The following IL1RAPL1 variants were observed in gnomAD, a reference collection of about 807,000 sequenced individuals.
IL1RAPL1 encodes interleukin 1 receptor accessory protein like 1.
In IL1RAPL1, 3 loss-of-function variants were observed where a neutral mutation model predicts 48.4. The ratio of observed to expected loss-of-function variants is 0.06; its 90% CI spans 0.03 to 0.16. The LOEUF is 0.16. Ranked by LOEUF, IL1RAPL1 falls within the 10% of genes least tolerant of loss-of-function variation. The pLI is 1.00. For synonymous variants in IL1RAPL1, 185 were observed against 187.7 expected (o/e 0.99, Z 0.12); for missense variants, 349 against 530.6 (o/e 0.66, Z 3.36).
chrX:29,618,319 T>C (rs767023110), intron 5 of IL1RAPL1, among the ~76,000 whole-genome samples: 3 of 111,988 alleles, frequency 2.7e-5, no homozygotes, highest in Admixed American at 9.5e-5. Flanking sequence ...TTCAAATATT[T>C]ATATCTTTTG....
chrX:28,952,411 C>T (rs940283645), intron 2 of IL1RAPL1, among the ~76,000 whole-genome samples: 8 of 111,258 alleles, frequency 7.2e-5, no homozygotes, highest in Admixed American at 1.9e-4. Flanking sequence ...ATAAGGACAA[C>T]GTAAAAGTTT....
chrX:28,803,479 G>A (rs968221018), intron 2 of IL1RAPL1, among the ~76,000 whole-genome samples: 2 of 111,687 alleles, frequency 1.8e-5, no homozygotes, highest in Non-Finnish European at 3.8e-5. Context: ...ATGTCCCAAA[G>A]AATGAAGACC....
intron 6 of IL1RAPL1, among the ~76,000 whole-genome samples, chrX:29,825,862 C>A (rs1006056949): frequency 7.2e-5 from 8 of 111,368 alleles, no homozygotes; most frequent in African/African-American, 2.3e-4. Flanking sequence ...GTCTCACAAG[C>A]TGTACAGAAA....
intron 5 of IL1RAPL1, among the ~76,000 whole-genome samples, chrX:29,498,855 C>T (rs1378037793): frequency 1.8e-5 from 2 of 111,638 alleles, no homozygotes; most frequent in African/African-American, 3.3e-5. Context: ...TTAAGAATAT[C>T]ATTAAAAGCC....
Position 28,792,281 on chromosome X carries a change from C to T in IL1RAPL1, c.82+2856C>T, listed in dbSNP as rs185157745. Among the ~76,000 whole-genome samples the T allele has an allele frequency of 1.9e-4, 21 of 111,231 alleles. 1 individual carries two copies. The highest frequency in any genetic ancestry group is 1.7e-3 in the Admixed American group (18 of 10,486). Reference sequence around the variant, plus strand: ...GGAACATATACAATATTATATTACACAGAGAAATATTGATTTTTAATGGCA... The same window carrying T: ...GGAACATATACAATATTATATTACATAGAGAAATATTGATTTTTAATGGCA... On this transcript the variant is annotated intron_variant, in intron 2 of 10. Coordinates refer to ENST00000378993, the MANE Select transcript of IL1RAPL1 (RefSeq NM_014271.4).
At chrX:28,620,118 A>G (rs1934269521) in intron 1 of IL1RAPL1, among the ~76,000 whole-genome samples, 1 of 110,817 alleles carries the variant, frequency 9.0e-6, no homozygotes, top group African/African-American at 3.3e-5. Flanking sequence ...AGGATTTTGT[A>G]GACACATTTG....
At chrX:28,660,420 A>C (rs1934809322) in intron 1 of IL1RAPL1, among the ~76,000 whole-genome samples, 1 of 110,823 alleles carries the variant, frequency 9.0e-6, no homozygotes, top group South Asian at 3.8e-4. Flanking sequence ...AAGACCCTGC[A>C]ATTTTCCCCA....
At chrX:29,574,992 G>A (rs1163889711) in intron 5 of IL1RAPL1, among the ~76,000 whole-genome samples, 1 of 111,584 alleles carries the variant, frequency 9.0e-6, no homozygotes, top group African/African-American at 3.3e-5. Flanking sequence ...CTCAGCCTGG[G>A]TTTCATTGTC....
chrX:28,863,707 A>C (rs1013494787), intron 2 of IL1RAPL1, among the ~76,000 whole-genome samples: 1 of 111,770 alleles, frequency 8.9e-6, no homozygotes, highest in African/African-American at 3.3e-5. Context: ...TCAACCAACC[A>C]AATACACTGT....
chrX:28,994,057 G>A (rs1277491664), intron 2 of IL1RAPL1, among the ~76,000 whole-genome samples: 2 of 110,294 alleles, frequency 1.8e-5, no homozygotes, highest in Non-Finnish European at 3.8e-5. Flanking sequence ...ATTCTAGAAT[G>A]AGGCATTTTA....
At chrX:28,793,100 T>A (rs1202615817) in intron 2 of IL1RAPL1, among the ~76,000 whole-genome samples, 1 of 106,740 alleles carries the variant, frequency 9.4e-6, no homozygotes, top group Non-Finnish European at 1.9e-5. Flanking sequence ...TTCATACCTA[T>A]TTTTTTTAGT....
intron 1 of IL1RAPL1, among the ~76,000 whole-genome samples, chrX:28,762,152 A>G (rs970979413): frequency 2.1e-4 from 23 of 111,931 alleles, no homozygotes; most frequent in African/African-American, 7.5e-4. Context: ...AAATATACCA[A>G]AATCCAGAAG....
intron 5 of IL1RAPL1, among the ~76,000 whole-genome samples, chrX:29,613,299 C>G (rs1008119775): frequency 2.7e-5 from 3 of 111,599 alleles, no homozygotes; most frequent in Non-Finnish European, 5.7e-5. Flanking sequence ...CTTTTTTATA[C>G]TAAGTCTTTA....
chrX:29,824,212 A>AGAGC (rs1020994253), intron 6 of IL1RAPL1, among the ~76,000 whole-genome samples: 4 of 111,553 alleles, frequency 3.6e-5, no homozygotes, highest in African/African-American at 1.3e-4. Context: ...CTGTAACTTA[A>AGAGC]GCTCTCTCTG....
chrX:29,581,378 G>A (rs755122960), intron 5 of IL1RAPL1, among the ~76,000 whole-genome samples: 3 of 111,824 alleles, frequency 2.7e-5, no homozygotes, highest in Non-Finnish European at 5.6e-5. Flanking sequence ...TCAGAGGTTG[G>A]ACTGTGAGTT....
intron 6 of IL1RAPL1, among the ~76,000 whole-genome samples, chrX:29,894,899 G>A (rs1932347823): frequency 9.0e-6 from 1 of 110,532 alleles, no homozygotes; most frequent in African/African-American, 3.3e-5. Flanking sequence ...CATGATCTCA[G>A]CTCACTGCAA....
At chrX:29,011,300 A>G (rs925379803) in intron 2 of IL1RAPL1, among the ~76,000 whole-genome samples, 1 of 112,334 alleles carries the variant, frequency 8.9e-6, no homozygotes, top group Non-Finnish European at 1.9e-5. Flanking sequence ...AAACGAAAGC[A>G]TATGTCTATC....
intron 2 of IL1RAPL1, among the ~76,000 whole-genome samples, chrX:29,152,725 T>C (rs564824539): frequency 5.3e-5 from 6 of 112,257 alleles, no homozygotes; most frequent in African/African-American, 1.9e-4. Context: ...AAATTCCAAA[T>C]ATGTAACTCT....
intron 2 of IL1RAPL1, among the ~76,000 whole-genome samples, chrX:28,843,746 A>G (rs1421474611): frequency 9.8e-5 from 11 of 111,856 alleles, no homozygotes; most frequent in South Asian, 7.4e-4. Flanking sequence ...TATTTTTTAT[A>G]TCTTGATTTG....
Sources: gnomAD v4.1 joint callset for allele counts (sites outside exome capture counted in the v4.1 genomes callset) on GRCh38, gnomAD v4.1.1 for gene constraint, MANE v1.5 for transcripts, NCBI Gene and HGNC (gene_info 2026-07-23, HGNC 2026-07-21) for gene names.